USP15: variants seen among roughly 807,000 people sequenced by gnomAD.
The protein encoded by USP15 is ubiquitin carboxyl-terminal hydrolase 15.
A neutral mutation model predicts 127.1 loss-of-function variants in USP15; 18 were observed. That is an observed-to-expected ratio of 0.14 (90% confidence interval 0.10 to 0.21). The LOEUF (loss-of-function observed/expected upper bound fraction) is 0.21. USP15 is among the 10% of genes least tolerant of loss of function. USP15 has a pLI of 1.00. For missense variants in USP15, 805 were observed against 1,159.9 expected, an observed-to-expected ratio of 0.69 and a Z score of 4.44; for synonymous variants, 364 against 393.7, an observed-to-expected ratio of 0.92 and a Z score of 0.89.
At chr12:62,282,304 TG>T (rs2063674985) in intron 1 of USP15, among the ~76,000 whole-genome samples, 1 of 152,112 alleles carries the variant, frequency 6.6e-6, no homozygotes, top group Admixed American at 6.5e-5. Context: ...CACTCCAGCC[TG>T]GGTGACAGAG....
chr12:62,280,678 A>C (rs1443747763), intron 1 of USP15, among the ~76,000 whole-genome samples: 2 of 152,074 alleles, frequency 1.3e-5, no homozygotes, highest in South Asian at 4.1e-4. Flanking sequence ...CTGGGGGAGG[A>C]GACACACGCA....
At chr12:62,289,994 T>TA (rs144987069) in intron 1 of USP15, among the ~76,000 whole-genome samples, 26 of 151,812 alleles carry the variant, frequency 1.7e-4, no homozygotes, top group African/African-American at 5.6e-4. Context: ...GATTTCAATT[T>TA]AAAAAAAAAT....
intron 16 of USP15, 83 bp downstream of exon 16, chr12:62,391,512 C>T (rs1178564075): frequency 1.3e-6 from 2 of 1,518,504 alleles, no homozygotes; most frequent in African/African-American, 2.9e-5. Flanking sequence ...TGAAATTCAG[C>T]TCTGTCAAGA....
Position 62,393,062 on chromosome 12 carries a change from G to T in USP15, c.2430G>T (p.Pro810=). 4 of 1,613,296 alleles carry T rather than the reference G, an allele frequency of 2.5e-6. No individual in the cohort carries two copies. Among genetic ancestry groups the T allele is most frequent in the Non-Finnish European group, 3.4e-6 (4 of 1,179,724 alleles). ...TTCTGTTTATTCTTAGGTATTGTCC[G>T]AATTGTAAAGAACATCAGCAAGCCA... ...KLGAEDPWYC[P]NCKEHQQATK... The change falls in exon 19 of 22, where the codon CCG becomes CCT. Residue 810 remains proline (P), a synonymous_variant. Coordinates refer to ENST00000280377, the MANE Select transcript of USP15 (RefSeq NM_001252078.2).
intron 8 of USP15, among the ~76,000 whole-genome samples, chr12:62,372,346 A>T (rs1377659176): frequency 6.6e-6 from 1 of 152,172 alleles, no homozygotes; most frequent in African/African-American, 2.4e-5. Context: ...TGGGCAGATC[A>T]TATCAGTACC....
In USP15 at chr12:62,412,723, T is replaced by C. The variant is rs1299815312; in HGVS notation, c.*8348T>C. ...ATAAGATTGCAGCAATCCAGACACA[T>C]CTTCAGGCTCCACTTGTAGTTCTCT... On this transcript the variant is annotated 3_prime_UTR_variant, in exon 22 of 22. Transcript: ENST00000280377. The C allele has an allele frequency of 3.9e-5, 6 of 152,198 alleles. No homozygotes were observed. The highest frequency in any genetic ancestry group is 1.2e-4 in the African/African-American group (5 of 41,442). The allele number at this position is 152,198 out of a possible 1,614,324, so 9.4% of individuals were successfully genotyped here.
intron 8 of USP15, among the ~76,000 whole-genome samples, chr12:62,370,658 C>T (rs1034329079): frequency 5.3e-5 from 8 of 152,148 alleles, no homozygotes; most frequent in African/African-American, 1.9e-4. Flanking sequence ...TTGATTAGCT[C>T]ACTCTTGACC....
intron 3 of USP15, among the ~76,000 whole-genome samples, chr12:62,307,794 G>A (rs1474581693): frequency 1.3e-5 from 2 of 152,090 alleles, no homozygotes; most frequent in African/African-American, 2.4e-5. Flanking sequence ...ACAGTGCTTT[G>A]TTGAAGGGCA....
intron 1 of USP15, among the ~76,000 whole-genome samples, chr12:62,280,919 A>G (rs908204513): frequency 6.6e-6 from 1 of 152,212 alleles, no homozygotes; most frequent in African/African-American, 2.4e-5. Context: ...AGTTATAACT[A>G]TTTGTATTGG....
intron 6 of USP15, chr12:62,334,173 G>A (rs2065388173): frequency 2.6e-5 from 4 of 152,126 alleles, no homozygotes; most frequent in Admixed American, 2.6e-4. Context: ...TCCAATTTTG[G>A]TATATGTGCT....
chr12:62,315,088 C>A, intron 4 of USP15, 172 bp downstream of exon 4: 2 of 578,762 alleles, frequency 3.5e-6, no homozygotes, highest in African/African-American at 1.9e-5. Context: ...TTCTTGTATG[C>A]TTTTGCATTT....
intron 1 of USP15, among the ~76,000 whole-genome samples, chr12:62,285,971 A>T (rs1193745456): frequency 1.3e-5 from 2 of 152,150 alleles, no homozygotes; most frequent in Admixed American, 6.5e-5. Flanking sequence ...AATAATAGCC[A>T]TTCTGACTGG....
rs1251269603 is a variant in USP15, at chr12:62,407,021, G to C, written c.*2646G>C. The stretch of plus-strand genomic sequence containing the variant: ...GGGTAATGGGAATATATCTAGACTA[G>C]AATTTCTACTTCTAGCTTTGCCACT... On this transcript the variant is annotated 3_prime_UTR_variant, in exon 22 of 22. Transcript: ENST00000280377. 6.6e-6 allele frequency: 1 copy of C among 151,914 alleles called. No homozygotes were observed. Among genetic ancestry groups the C allele is most frequent in the Non-Finnish European group, 1.5e-5 (1 of 67,996 alleles). The allele number at this position is 151,914 out of a possible 1,614,324, so 9.4% of individuals were successfully genotyped here.
chr12:62,312,363 G>C (rs919125107), intron 3 of USP15: 1 of 221,224 alleles, frequency 4.5e-6, no homozygotes, highest in African/African-American at 2.4e-5. Flanking sequence ...GACTATATTA[G>C]GTTTATTTAA....
chr12:62,304,334 G>C (rs892260799), intron 3 of USP15, among the ~76,000 whole-genome samples: 1 of 152,186 alleles, frequency 6.6e-6, no homozygotes, highest in Non-Finnish European at 1.5e-5. Flanking sequence ...TATTCAACCT[G>C]TAAAATAGTT....
chr12:62,338,178 TG>T (rs1232493950), intron 6 of USP15, among the ~76,000 whole-genome samples: 7 of 152,360 alleles, frequency 4.6e-5, no homozygotes, highest in African/African-American at 1.7e-4. Flanking sequence ...CTATTCTGAC[TG>T]GTGTGAGATG....
At chr12:62,277,908 A>G (rs1388190700) in intron 1 of USP15, among the ~76,000 whole-genome samples, 2 of 152,156 alleles carry the variant, frequency 1.3e-5, no homozygotes. Flanking sequence ...ATTTTCTTCA[A>G]TAATAAAATT....
At chr12:62,304,755 A>G (rs1466705131) in intron 3 of USP15, 1 of 454,330 alleles carries the variant, frequency 2.2e-6, no homozygotes, top group Non-Finnish European at 4.4e-6. Context: ...GAGAAACAGC[A>G]GACAATAGAA....
At chr12:62,383,436 C>G (rs1393142849) in intron 9 of USP15, among the ~76,000 whole-genome samples, 9 of 152,052 alleles carry the variant, frequency 5.9e-5, no homozygotes, top group Admixed American at 5.9e-4. Context: ...TAAAGCACAT[C>G]ACAGCTTTCT....
Sources: gnomAD v4.1 joint callset for allele counts (sites outside exome capture counted in the v4.1 genomes callset) on GRCh38, gnomAD v4.1.1 for gene constraint, MANE v1.5 for transcripts, NCBI Gene and HGNC (gene_info 2026-07-23, HGNC 2026-07-21) for gene names.